VCPIP1: variants seen among roughly 807,000 people sequenced by gnomAD.
VCPIP1 encodes valosin containing protein interacting protein 1.
In VCPIP1, 8 loss-of-function variants were observed where a neutral mutation model predicts 85.0. That is an observed-to-expected ratio of 0.09 (90% confidence interval 0.06 to 0.17). The LOEUF (loss-of-function observed/expected upper bound fraction) is 0.17. Ranked by LOEUF, VCPIP1 falls within the 10% of genes least tolerant of loss-of-function variation. The pLI is 1.00. For missense variants in VCPIP1, 1,070 were observed against 1,486.3 expected (o/e 0.72, Z 4.61); for synonymous variants, 543 against 544.5 (o/e 1.00, Z 0.04).
At chr8:66,642,015 A>C (rs1189081614) in intron 2 of VCPIP1, among the ~76,000 whole-genome samples, 1 of 152,212 alleles carries the variant, frequency 6.6e-6, no homozygotes, top group African/African-American at 2.4e-5. Flanking sequence ...GAACTGCCAA[A>C]GTTCCCAAGT....
chr8:66,647,726 T>G (rs1441097356), intron 2 of VCPIP1, among the ~76,000 whole-genome samples: 2 of 152,092 alleles, frequency 1.3e-5, no homozygotes, highest in African/African-American at 2.4e-5. Flanking sequence ...ATGGATAACA[T>G]AAAGCCTTTT....
chr8:66,640,808 T>C (rs1400462505), intron 2 of VCPIP1, among the ~76,000 whole-genome samples: 1 of 152,088 alleles, frequency 6.6e-6, no homozygotes, highest in East Asian at 1.9e-4. Flanking sequence ...CCCACCCCAC[T>C]GAGAGCCACC....
chr8:66,665,604 T>A lies in VCPIP1; in HGVS notation c.1355A>T (p.Glu452Val). 1 of 1,614,212 alleles carries A rather than the reference T, an allele frequency of 6.2e-7. No homozygotes were observed. Among genetic ancestry groups the A allele is most frequent in the Non-Finnish European group, 8.5e-7 (1 of 1,180,028 alleles). The change falls in exon 1 of 3, where the codon GAA (glutamate) becomes GTA (valine). Residue 452 changes from glutamate to valine, a missense_variant. Around this residue, in one of 8 missense-constraint regions of VCPIP1, gnomAD observed 83 missense variants for 134.6 expected, o/e 0.62. Coordinates refer to ENST00000310421, the MANE Select transcript of VCPIP1 (RefSeq NM_025054.5). The surrounding 1 kb of genome is among the most constrained non-coding windows in gnomAD (Gnocchi z 4.3). ...RTGVIGVQPE[E>V]VTAAAKKAVM... ...TGCTTTTTTAGCAGCTGCTGTGACT[T>A]CCTCAGGCTGAACTCCTATCACTCC...
At position 66,633,424 on chromosome 8, in the gene VCPIP1, T is replaced by C. The variant is rs1810852861; in HGVS notation, c.*1077A>G. Reference sequence around the variant, plus strand: ...TTCTGTTGTTTTTAAGGAATAAGCATGAAAGCTGCTTCTCAAGGAAACTGG... The same window carrying C: ...TTCTGTTGTTTTTAAGGAATAAGCACGAAAGCTGCTTCTCAAGGAAACTGG... On this transcript the variant is annotated 3_prime_UTR_variant, in exon 3 of 3. Coordinates refer to ENST00000310421, the MANE Select transcript of VCPIP1 (RefSeq NM_025054.5). 4 of 152,610 alleles carry C rather than the reference T, an allele frequency of 2.6e-5. No individual in the cohort carries two copies. The South Asian group carries it at 8.3e-4, about 32-fold the overall frequency. The allele number at this position is 152,610 out of a possible 1,614,324, so 9.5% of individuals were successfully genotyped here. A position where few individuals can be genotyped will look rare whatever the true frequency, so the allele number is the denominator to read the frequency against.
rs768222716 is a variant in VCPIP1, at chr8:66,664,653, G to A, written c.2306C>T (p.Pro769Leu). ...PATPTKAPYS[P>L]TTSKEKKIRI... ...GATCTTCTTCTCCTTAGAAGTTGTCGGTGAATAGGGAGCCTTGGTAGGTGT... is the reference window on the plus strand; with the variant it reads ...GATCTTCTTCTCCTTAGAAGTTGTCAGTGAATAGGGAGCCTTGGTAGGTGT... Residue 769 changes from proline (P) to leucine (L), a missense_variant, in exon 1 of 3, where the codon CCG becomes CTG. Physicochemically the swap from Pro to Leu is moderately conservative, Grantham distance 98. This residue lies in a region of VCPIP1 where 278 missense variants were observed against 298.5 expected (regional missense o/e 0.93). Coordinates refer to ENST00000310421, the MANE Select transcript of VCPIP1 (RefSeq NM_025054.5). 3.7e-6 allele frequency: 6 copies of A among 1,613,312 alleles called. No individual in the cohort carries two copies. The highest frequency in any genetic ancestry group is 5.1e-6 in the Non-Finnish European group (6 of 1,179,704).
rs577721868 is a variant in VCPIP1, at chr8:66,648,294, T to C, written c.2797+3164A>G. Among the ~76,000 whole-genome samples, 29 of 152,352 alleles carry C rather than the reference T, an allele frequency of 1.9e-4. 1 individual carries two copies. The South Asian group carries it at 5.8e-3, about 30-fold the overall frequency. ...TATAGGGCAACATTTGTGCACCATATGGTTTCTTTCACAAGTATTCAACTC... is the reference window on the plus strand; with the variant it reads ...TATAGGGCAACATTTGTGCACCATACGGTTTCTTTCACAAGTATTCAACTC... On this transcript the variant is annotated intron_variant, in intron 2 of 2. Coordinates refer to ENST00000310421, the MANE Select transcript of VCPIP1 (RefSeq NM_025054.5).
chr8:66,638,776 T>C (rs1563566634), intron 2 of VCPIP1, among the ~76,000 whole-genome samples: 2 of 151,804 alleles, frequency 1.3e-5, no homozygotes, highest in African/African-American at 4.8e-5. Flanking sequence ...GAGACTCCTG[T>C]CTCAAAAAAA....
rs762606885 is a variant in VCPIP1, at chr8:66,665,649, T to A, written c.1310A>T (p.Gln437Leu). Residue 437 changes from glutamine to leucine, a missense_variant, in exon 1 of 3, where the codon CAG (glutamine) becomes CTG (leucine). This residue lies in a region of VCPIP1 where 83 missense variants were observed against 134.6 expected (regional missense o/e 0.62). Transcript: ENST00000310421. This position sits in a 1 kb window ranked among gnomAD's most constrained non-coding sequence, Gnocchi z 4.3. Reference protein sequence around the residue: ...IHPSLVADVHQYFYRRTGVIG... With the variant: ...IHPSLVADVHLYFYRRTGVIG... ...CACTCCAGTCCTTCTGTAGAAATAC[T>A]GATGGACATCAGCAACCAAACTAGG... 6.2e-7 allele frequency: 1 copy of A among 1,614,222 alleles called. No homozygotes were observed. The highest frequency in any genetic ancestry group is 8.5e-7 in the Non-Finnish European group (1 of 1,180,028).
rs1810852354 is a variant in VCPIP1, at chr8:66,633,366, A to G, written c.*1135T>C. The G allele has an allele frequency of 6.6e-6, 1 of 152,542 alleles. No homozygotes were observed. Among genetic ancestry groups the G allele is most frequent in the Non-Finnish European group, 1.5e-5 (1 of 67,986 alleles). 9.4% of individuals were successfully genotyped at this position (152,542 alleles called of 1,614,324 possible). A position where few individuals can be genotyped will look rare whatever the true frequency, so the allele number is the denominator to read the frequency against. On this transcript the variant is annotated 3_prime_UTR_variant, in exon 3 of 3. Transcript: ENST00000310421. Reference sequence around the variant, plus strand: ...GATACAGATTTGCAGAATAAAATAAAATAGTGCAATACCAATCTCAGGATA... The same window carrying G: ...GATACAGATTTGCAGAATAAAATAAGATAGTGCAATACCAATCTCAGGATA...
At chr8:66,655,801 T>C (rs1480023399) in intron 1 of VCPIP1, among the ~76,000 whole-genome samples, 1 of 152,202 alleles carries the variant, frequency 6.6e-6, no homozygotes, top group Non-Finnish European at 1.5e-5. Flanking sequence ...TATATTTTTG[T>C]TAGTCTCCAA....
Position 66,667,189 on chromosome 8 carries a change from C to T in VCPIP1, c.-231G>A. Reference sequence around the variant, plus strand: ...GAACGTAACGGCCACCACCCCACCCCGCACTCACACTCACTCACTCTCGCT... The same window carrying T: ...GAACGTAACGGCCACCACCCCACCCTGCACTCACACTCACTCACTCTCGCT... On this transcript the variant is annotated 5_prime_UTR_variant, in exon 1 of 3. Transcript: ENST00000310421. 1.2e-6 allele frequency: 1 copy of T among 803,042 alleles called. No homozygotes were observed. The highest frequency in any genetic ancestry group is 2.5e-5 in the South Asian group (1 of 40,038). The allele number at this position is 803,042 out of a possible 1,614,324, so 49.7% of individuals were successfully genotyped here. A position where few individuals can be genotyped will look rare whatever the true frequency, so the allele number is the denominator to read the frequency against.
chr8:66,650,789 G>A (rs532689465), intron 2 of VCPIP1, among the ~76,000 whole-genome samples: 1 of 148,728 alleles, frequency 6.7e-6, no homozygotes, highest in East Asian at 2.0e-4. Flanking sequence ...TGAACCCAGA[G>A]GCGGAGGTTG....
intron 1 of VCPIP1, among the ~76,000 whole-genome samples, chr8:66,655,011 G>C (rs964578985): frequency 3.3e-5 from 5 of 152,058 alleles, no homozygotes; most frequent in African/African-American, 9.7e-5. Context: ...GCCAATAATT[G>C]TTACGTATCA....
At chr8:66,652,852 A>T (rs999032709) in intron 1 of VCPIP1, among the ~76,000 whole-genome samples, 4 of 152,162 alleles carry the variant, frequency 2.6e-5, no homozygotes, top group African/African-American at 9.7e-5. Context: ...CTAATCTGCT[A>T]ATGTATACAT....
intron 1 of VCPIP1, among the ~76,000 whole-genome samples, chr8:66,662,792 C>T (rs1188802756): frequency 6.6e-6 from 1 of 151,800 alleles, no homozygotes; most frequent in Non-Finnish European, 1.5e-5. Context: ...AGCGATTCTC[C>T]TGCCTCAGCC....
rs1229270823 is a variant in VCPIP1 at position 66,632,907 on chromosome 8, CA to C, written c.*1593del. ...TTAGGATGAAGATAAAATATAAAGA[CA>C]AACGTGATAATGTGATAAAAACTAA... On this transcript the variant is annotated 3_prime_UTR_variant, in exon 3 of 3. Transcript: ENST00000310421. 6.6e-6 allele frequency: 1 copy of C among 151,988 alleles called. No individual in the cohort carries two copies. Among genetic ancestry groups the C allele is most frequent in the Non-Finnish European group, 1.5e-5 (1 of 67,908 alleles). The allele number at this position is 151,988 out of a possible 1,614,324, so 9.4% of individuals were successfully genotyped here. A position where few individuals can be genotyped will look rare whatever the true frequency, so the allele number is the denominator to read the frequency against.
chr8:66,659,306 G>A (rs1811133094), intron 1 of VCPIP1, among the ~76,000 whole-genome samples: 1 of 151,170 alleles, frequency 6.6e-6, no homozygotes, highest in Admixed American at 6.6e-5. Flanking sequence ...AAATCTGAAT[G>A]ACATATTTTG....
chr8:66,650,145 C>A (rs1372252893), intron 2 of VCPIP1, among the ~76,000 whole-genome samples: 1 of 151,172 alleles, frequency 6.6e-6, no homozygotes, highest in Non-Finnish European at 1.5e-5. Flanking sequence ...AAATATGTAC[C>A]AATGTACTTA....
chr8:66,660,079 T>C (rs1353573053), intron 1 of VCPIP1, among the ~76,000 whole-genome samples: 1 of 152,200 alleles, frequency 6.6e-6, no homozygotes, highest in African/African-American at 2.4e-5. Flanking sequence ...CTAAAAAGTA[T>C]GGAACTCCTT....
Sources: gnomAD v4.1 joint callset for allele counts (sites outside exome capture counted in the v4.1 genomes callset) on GRCh38, gnomAD v4.1.1 for gene constraint, gnomAD v4.1.1 regional missense constraint, Gnocchi (gnomAD v3.1) non-coding constraint, MANE v1.5 for transcripts, NCBI Gene and HGNC (gene_info 2026-07-23, HGNC 2026-07-21) for gene names.